RLF: variants seen among roughly 807,000 people sequenced by gnomAD.
The protein encoded by RLF is RLF zinc finger.
A neutral mutation model predicts 162.9 loss-of-function variants in RLF; 7 were observed. That is an observed-to-expected ratio of 0.04 (90% CI 0.02 to 0.08). The LOEUF (loss-of-function observed/expected upper bound fraction) is 0.08. Ranked by LOEUF, RLF falls within the 10% of genes least tolerant of loss-of-function variation. The probability of loss-of-function intolerance (pLI) is 1.00; values close to 1 mark genes in which losing one functional copy is unlikely to be tolerated. For missense variants in RLF, 1,664 were observed against 2,244.7 expected, an observed-to-expected ratio of 0.74 and a Z score of 5.23; for synonymous variants, 782 against 791.5, an observed-to-expected ratio of 0.99 and a Z score of 0.20.
intron 5 of RLF, among the ~76,000 whole-genome samples, chr1:40,203,610 G>A (rs1486312037): frequency 6.6e-6 from 1 of 150,968 alleles, no homozygotes; most frequent in Non-Finnish European, 1.5e-5. Flanking sequence ...CAATTATTAT[G>A]TTTCTTAAAT....
At chr1:40,211,499 A>G (rs890145451) in intron 5 of RLF, among the ~76,000 whole-genome samples, 1 of 152,238 alleles carries the variant, frequency 6.6e-6, no homozygotes, top group Non-Finnish European at 1.5e-5. Flanking sequence ...CATTTTTATC[A>G]TGATGTGGAT....
Position 40,237,779 on chromosome 1 carries a change from G to A in RLF, c.3077G>A (p.Gly1026Asp). 6.2e-7 allele frequency: 1 copy of A among 1,614,032 alleles called. No homozygotes were observed. The highest frequency in any genetic ancestry group is 1.1e-5 in the South Asian group (1 of 91,080). The change falls in exon 8 of 8, where the codon GGT (glycine) becomes GAT (aspartate). Residue 1026 changes from glycine to aspartate, a missense_variant. Gly to Asp is a moderately conservative substitution (Grantham distance 94). Around this residue, in one of 15 missense-constraint regions of RLF, gnomAD observed 295 missense variants for 317.4 expected, o/e 0.93. Transcript: ENST00000372771. This position sits in a 1 kb window ranked among gnomAD's most constrained non-coding sequence, Gnocchi z 4.4. ...SDTNSDSPDE[G>D]LDHNIHIKCK... Reference sequence around the variant, plus strand: ...ACAAACAGTGACTCCCCAGATGAAGGTCTAGATCACAATATTCACATTAAA... The same window carrying A: ...ACAAACAGTGACTCCCCAGATGAAGATCTAGATCACAATATTCACATTAAA...
intron 1 of RLF, among the ~76,000 whole-genome samples, chr1:40,180,416 G>A (rs554202163): frequency 3.3e-5 from 5 of 152,010 alleles, no homozygotes; most frequent in East Asian, 3.9e-4. Flanking sequence ...CCGCCACCAC[G>A]CCTAGCTAAT....
chr1:40,240,521 C>A lies in RLF; in HGVS notation c.*74C>A. On this transcript the variant is annotated 3_prime_UTR_variant, in exon 8 of 8. Coordinates refer to ENST00000372771, the MANE Select transcript of RLF (RefSeq NM_012421.4). The stretch of plus-strand genomic sequence containing the variant: ...GGACATTTGCCAACTCGAACAAAGG[C>A]TGAGAAGCAGCCACACCGTTGTTTA... 1 of 1,069,364 alleles carries A rather than the reference C, an allele frequency of 9.4e-7. No individual in the cohort carries two copies. Among genetic ancestry groups the A allele is most frequent in the Non-Finnish European group, 1.4e-6 (1 of 716,616 alleles). 66.2% of individuals were successfully genotyped at this position (1,069,364 alleles called of 1,614,324 possible).
chr1:40,221,356 TGA>T (rs2124553148), intron 5 of RLF, among the ~76,000 whole-genome samples: 1 of 152,042 alleles, frequency 6.6e-6, no homozygotes, highest in East Asian at 1.9e-4. Flanking sequence ...AAAACTTATT[TGA>T]AAAAATAAAA....
rs1466049355 is a variant in RLF at position 40,236,498 on chromosome 1, C to T, written c.1796C>T (p.Pro599Leu). The T allele has an allele frequency of 6.2e-7, 1 of 1,613,708 alleles. No homozygotes were observed. Among genetic ancestry groups the T allele is most frequent in the Non-Finnish European group, 8.5e-7 (1 of 1,179,884 alleles). Reference protein sequence around the residue: ...KKFKRKEMFVPHVMEHVKMPP... With the variant: ...KKFKRKEMFVLHVMEHVKMPP... ...TTTAAGAGAAAAGAAATGTTTGTTC[C>T]TCATGTGATGGAGCATGTTAAAATG... Residue 599 changes from proline (P) to leucine (L), a missense_variant, in exon 8 of 8, where the codon CCT becomes CTT. Transcript: ENST00000372771. This position sits in a 1 kb window ranked among gnomAD's most constrained non-coding sequence, Gnocchi z 7.7.
chr1:40,230,961 A>G lies in RLF; in HGVS notation c.948-556A>G, dbSNP rs144451440. Among the ~76,000 whole-genome samples, 120 of 152,130 alleles carry G rather than the reference A, an allele frequency of 7.9e-4. 1 individual carries two copies. The highest frequency in any genetic ancestry group is 2.5e-3 in the African/African-American group (102 of 41,476). ...TAATGAATCTTTGTGAGATTCCTGT[A>G]TTTTAGCCATTTCCAAAAAGTGCCA... is the stretch of plus-strand genomic sequence containing the variant. On this transcript the variant is annotated intron_variant, in intron 6 of 7. Transcript: ENST00000372771.
intron 5 of RLF, among the ~76,000 whole-genome samples, chr1:40,204,921 T>A (rs1642768602): frequency 6.6e-6 from 1 of 152,230 alleles, no homozygotes; most frequent in African/African-American, 2.4e-5. Context: ...CTCTGAAACA[T>A]CTATTCATCT....
At chr1:40,203,184 G>C (rs1204331815) in intron 5 of RLF, among the ~76,000 whole-genome samples, 1 of 144,180 alleles carries the variant, frequency 6.9e-6, no homozygotes, top group Non-Finnish European at 1.5e-5. Flanking sequence ...GTGCAATTTC[G>C]GCTCACTGCA....
At position 40,195,731 on chromosome 1, in the gene RLF, A is replaced by G; in HGVS notation, c.574A>G (p.Ile192Val). Residue 192 changes from isoleucine (I) to valine (V), a missense_variant, in exon 4 of 8, where the codon ATT becomes GTT. By Grantham distance (29) the Ile-to-Val change is conservative (BLOSUM62 3). Transcript: ENST00000372771. ...GVWKNPVLLK[I>V]LSQQPVETEE... ...GTGGAAAAACCCAGTTCTTCTTAAA[A>G]TTCTGTCTCAACAGCCAGTAGAAAC... 6.2e-7 allele frequency: 1 copy of G among 1,613,934 alleles called. No individual in the cohort carries two copies. The highest frequency in any genetic ancestry group is 8.5e-7 in the Non-Finnish European group (1 of 1,179,906).
rs562656169 is a variant in RLF at position 40,205,091 on chromosome 1, G to T, written c.810+2477G>T. Reference sequence around the variant, plus strand: ...TTCTCCTTTTCTCTATTACATCATCGATTTCCCTGTCTCTGTTATAACCAC... The same window carrying T: ...TTCTCCTTTTCTCTATTACATCATCTATTTCCCTGTCTCTGTTATAACCAC... On this transcript the variant is annotated intron_variant, in intron 5 of 7. Coordinates refer to ENST00000372771, the MANE Select transcript of RLF (RefSeq NM_012421.4). Among the ~76,000 whole-genome samples, 5 of 152,188 alleles carry T rather than the reference G, an allele frequency of 3.3e-5. No homozygotes were observed. In the East Asian group the frequency reaches 9.7e-4, roughly 29 times the overall value.
intron 1 of RLF, among the ~76,000 whole-genome samples, chr1:40,173,764 C>T (rs1642278533): frequency 1.3e-5 from 2 of 152,300 alleles, no homozygotes; most frequent in South Asian, 4.1e-4. Flanking sequence ...ATCCGCCCAC[C>T]TTGGCCTTCC....
chr1:40,172,152 A>C (rs1642253932), intron 1 of RLF, among the ~76,000 whole-genome samples: 2 of 152,142 alleles, frequency 1.3e-5, no homozygotes, highest in South Asian at 4.1e-4. Context: ...ACTAAAAAAA[A>C]ATTTTTTTTA....
At chr1:40,208,162 G>A (rs1378853338) in intron 5 of RLF, among the ~76,000 whole-genome samples, 1 of 152,208 alleles carries the variant, frequency 6.6e-6, no homozygotes, top group East Asian at 1.9e-4. Flanking sequence ...TCTAGGCAGG[G>A]AAAGTATAGA....
rs1642090827 is a variant in RLF at position 40,161,863 on chromosome 1, C to G, written c.237+227C>G. 6.6e-6 allele frequency among the ~76,000 whole-genome samples: 1 copy of G among 152,184 alleles called. No homozygotes were observed. The highest frequency in any genetic ancestry group is 6.5e-5 in the Admixed American group (1 of 15,280). ...GTTTTGCTCTGAGCCTTACTGAGAT[C>G]CCGGAGGGCCCTGGCGGGTCCCTGG... On this transcript the variant is annotated intron_variant, in intron 1 of 7. Transcript: ENST00000372771. This position sits in a 1 kb window ranked among gnomAD's most constrained non-coding sequence, Gnocchi z 4.4.
rs535392324 is a variant in RLF, at chr1:40,161,788, C to A, written c.237+152C>A. 2.7e-6 allele frequency: 3 copies of A among 1,122,410 alleles called. No homozygotes were observed. The highest frequency in any genetic ancestry group is 3.7e-6 in the Non-Finnish European group (3 of 811,558). 69.5% of individuals were successfully genotyped at this position (1,122,410 alleles called of 1,614,324 possible). A position where few individuals can be genotyped will look rare whatever the true frequency, so the allele number is the denominator to read the frequency against. On this transcript the variant is annotated intron_variant, in intron 1 of 7. Coordinates refer to ENST00000372771, the MANE Select transcript of RLF (RefSeq NM_012421.4). This position sits in a 1 kb window ranked among gnomAD's most constrained non-coding sequence, Gnocchi z 4.4. Reference sequence around the variant, plus strand: ...GCCGGGAAGGCCCAGCTCGGAAGCTCGACCGCTGGCCCCCCTGCGCCACTG... The same window carrying A: ...GCCGGGAAGGCCCAGCTCGGAAGCTAGACCGCTGGCCCCCCTGCGCCACTG...
At chr1:40,186,440 A>C (rs578136062) in intron 1 of RLF, among the ~76,000 whole-genome samples, 2 of 152,380 alleles carry the variant, frequency 1.3e-5, no homozygotes, top group South Asian at 2.1e-4. Context: ...ATTAGTATAG[A>C]GCAAACTGGA....
intron 5 of RLF, among the ~76,000 whole-genome samples, chr1:40,211,948 T>G (rs1016152422): frequency 6.6e-6 from 1 of 152,224 alleles, no homozygotes; most frequent in African/African-American, 2.4e-5. Flanking sequence ...TCTCTTATCC[T>G]AGTGATACTT....
At chr1:40,185,741 T>C (rs1570526985) in intron 1 of RLF, among the ~76,000 whole-genome samples, 1 of 125,440 alleles carries the variant, frequency 8.0e-6, no homozygotes, top group Non-Finnish European at 1.6e-5. Flanking sequence ...GGCAGGAGAA[T>C]GGCGTGAACC....
Sources: allele counts gnomAD v4.1 joint callset (sites outside exome capture counted in the v4.1 genomes callset), GRCh38; gene constraint gnomAD v4.1.1; regional missense constraint gnomAD v4.1.1; non-coding constraint Gnocchi (gnomAD v3.1); transcripts MANE v1.5; gene names NCBI Gene and HGNC (gene_info 2026-07-23, HGNC 2026-07-21).